The following NUDCD3 variants were observed in gnomAD, a reference collection of about 807,000 sequenced individuals.
NUDCD3 encodes the protein nudC domain-containing protein 3.
A neutral mutation model predicts 39.7 loss-of-function variants in NUDCD3; 13 were observed. The ratio of observed to expected loss-of-function variants is 0.33; its 90% CI spans 0.21 to 0.52. NUDCD3 has a LOEUF of 0.52. Ranked by LOEUF, NUDCD3 falls within the 20% of genes least tolerant of loss-of-function variation. The pLI is 0.96. For synonymous variants in NUDCD3, 175 were observed against 172.4 expected (o/e 1.02, Z -0.12); for missense variants, 453 against 458.1 (o/e 0.99, Z 0.10).
chr7:44,456,973 ATC>A (rs1178692202), intron 2 of NUDCD3, among the ~76,000 whole-genome samples: 1 of 152,016 alleles, frequency 6.6e-6, no homozygotes, highest in Non-Finnish European at 1.5e-5. Context: ...TTAGTCTCAC[ATC>A]CTGGGAATTC....
chr7:44,400,000 C>T (rs959942039), intron 4 of NUDCD3, among the ~76,000 whole-genome samples: 1 of 152,184 alleles, frequency 6.6e-6, no homozygotes, highest in African/African-American at 2.4e-5. Flanking sequence ...ACCTCACATA[C>T]AGCTACAACG....
intron 2 of NUDCD3, among the ~76,000 whole-genome samples, chr7:44,443,496 C>T (rs1799630901): frequency 6.6e-6 from 1 of 152,080 alleles, no homozygotes; most frequent in Non-Finnish European, 1.5e-5. Context: ...CTGCTACCTC[C>T]ACCTCCCGGG....
intron 2 of NUDCD3, among the ~76,000 whole-genome samples, chr7:44,429,357 G>C (rs767359320): frequency 2.6e-5 from 4 of 152,148 alleles, no homozygotes; most frequent in African/African-American, 4.8e-5. Context: ...CCTTAAAAGG[G>C]GGACTTTGGA....
intron 3 of NUDCD3, among the ~76,000 whole-genome samples, chr7:44,415,554 C>T (rs533821603): frequency 7.5e-4 from 114 of 152,256 alleles, no homozygotes; most frequent in African/African-American, 2.6e-3. Flanking sequence ...GAACATAAAG[C>T]ATTATGCATA....
intron 3 of NUDCD3, among the ~76,000 whole-genome samples, chr7:44,412,926 C>CAAAAAAA (rs767754442): frequency 2.3e-3 from 101 of 43,812 alleles, no homozygotes; most frequent in African/African-American, 5.6e-3. Flanking sequence ...GACGCCGTCT[C>CAAAAAAA]AAAAAAAAAA....
chr7:44,404,395 T>C (rs1262444799), intron 4 of NUDCD3, 45 bp downstream of exon 4: 1 of 1,597,854 alleles, frequency 6.3e-7, no homozygotes, highest in Admixed American at 1.7e-5. Flanking sequence ...TCACTGCAGG[T>C]TTGAAGTCCA....
intron 2 of NUDCD3, among the ~76,000 whole-genome samples, chr7:44,480,979 G>GAAA (rs781601614): frequency 2.3e-5 from 2 of 88,800 alleles, no homozygotes; most frequent in East Asian, 6.4e-4. Context: ...CCAAAAATTT[G>GAAA]AAAAAAAAAA....
At chr7:44,447,496 C>T (rs547410352) in intron 2 of NUDCD3, among the ~76,000 whole-genome samples, 7 of 152,268 alleles carry the variant, frequency 4.6e-5, no homozygotes, top group East Asian at 3.9e-4. Flanking sequence ...ACAGGCTTCA[C>T]GCAGCATCCA....
intron 2 of NUDCD3, among the ~76,000 whole-genome samples, chr7:44,456,930 G>C (rs1799915064): frequency 6.6e-6 from 1 of 151,918 alleles, no homozygotes; most frequent in Non-Finnish European, 1.5e-5. Context: ...AGCTCATCCT[G>C]GTTTGTCCAG....
intron 2 of NUDCD3, among the ~76,000 whole-genome samples, chr7:44,476,560 A>C (rs1800373882): frequency 6.6e-6 from 1 of 152,192 alleles, no homozygotes; most frequent in Non-Finnish European, 1.5e-5. Flanking sequence ...TGGCACCTTG[A>C]TCTTGGACTT....
intron 2 of NUDCD3, among the ~76,000 whole-genome samples, chr7:44,446,941 TCTGTAGTGAATTATATAAAA>T (rs1337539973): frequency 6.6e-6 from 1 of 152,234 alleles, no homozygotes; most frequent in Non-Finnish European, 1.5e-5. Context: ...TTGAGAATTC[TCTGTAGTGAATTATATAAAA>T]GTTTTTTGGT....
chr7:44,449,535 CAGG>C (rs1055674379), intron 2 of NUDCD3, among the ~76,000 whole-genome samples: 15 of 152,088 alleles, frequency 9.9e-5, no homozygotes, highest in Admixed American at 6.5e-4. Context: ...GGTAACAAAG[CAGG>C]AGAAGATTAT....
At chr7:44,430,250 C>T (rs866980215) in intron 2 of NUDCD3, among the ~76,000 whole-genome samples, 3 of 152,188 alleles carry the variant, frequency 2.0e-5, no homozygotes, top group African/African-American at 4.8e-5. Context: ...TGCGGTCCCA[C>T]GGCCACGGCA....
intron 2 of NUDCD3, among the ~76,000 whole-genome samples, chr7:44,443,493 C>T (rs1010017325): frequency 6.6e-6 from 1 of 152,238 alleles, no homozygotes; most frequent in East Asian, 1.9e-4. Flanking sequence ...TCACTGCTAC[C>T]TCCACCTCCC....
chr7:44,430,486 T>C (rs1799335781), intron 2 of NUDCD3, among the ~76,000 whole-genome samples: 1 of 152,076 alleles, frequency 6.6e-6, no homozygotes, highest in Non-Finnish European at 1.5e-5. Context: ...CTTCTCTTCA[T>C]TGACACTTTT....
At chr7:44,489,309 G>A (rs1053589784) in intron 1 of NUDCD3, among the ~76,000 whole-genome samples, 4 of 152,192 alleles carry the variant, frequency 2.6e-5, no homozygotes, top group South Asian at 2.1e-4. Context: ...TGACAAGGAC[G>A]AGGAATAGCC....
intron 5 of NUDCD3, among the ~76,000 whole-genome samples, chr7:44,386,486 A>C (rs1216442676): frequency 6.6e-6 from 1 of 152,206 alleles, no homozygotes; most frequent in Non-Finnish European, 1.5e-5. Flanking sequence ...TGACTAAGGC[A>C]TTAAGAGGGA....
intron 2 of NUDCD3, among the ~76,000 whole-genome samples, chr7:44,456,381 G>A (rs748543458): frequency 6.6e-6 from 1 of 152,128 alleles, no homozygotes; most frequent in Non-Finnish European, 1.5e-5. Context: ...CAGCTTTAAA[G>A]GCCGAGCAAG....
chr7:44,451,582 T>C (rs1264010646), intron 2 of NUDCD3, among the ~76,000 whole-genome samples: 2 of 152,086 alleles, frequency 1.3e-5, no homozygotes, highest in East Asian at 3.9e-4. Flanking sequence ...AAATATAATC[T>C]ATCGTGACAG....
Sources: gnomAD v4.1 joint callset for allele counts (sites outside exome capture counted in the v4.1 genomes callset) on GRCh38, gnomAD v4.1.1 for gene constraint, MANE v1.5 for transcripts, NCBI Gene and HGNC (gene_info 2026-07-23, HGNC 2026-07-21) for gene names.